The following USH2A variants were observed in gnomAD, a reference collection of about 807,000 sequenced individuals.
The protein encoded by USH2A is Usher syndrome 2A (autosomal recessive, mild).
USH2A carries 443 observed loss-of-function variants against 538.9 expected under a neutral mutation model. The observed-to-expected ratio is 0.82, with a 90% CI of 0.76 to 0.89. The LOEUF (loss-of-function observed/expected upper bound fraction) is 0.89, where lower values mean the gene tolerates loss of function less well. USH2A is among the 40% of genes least tolerant of loss of function. The pLI, the probability that USH2A is intolerant of heterozygous loss-of-function variation, is 0.00. For synonymous variants in USH2A, 2,413 were observed against 2,273.5 expected, an observed-to-expected ratio of 1.06 and a Z score of -1.75; for missense variants, 6,633 against 6,324.8, an observed-to-expected ratio of 1.05 and a Z score of -1.65.
intron 37 of USH2A, among the ~76,000 whole-genome samples, chr1:215,947,780 T>C (rs1666794098): frequency 6.6e-6 from 1 of 152,216 alleles, no homozygotes; most frequent in Non-Finnish European, 1.5e-5. Context: ...TAAAAAAGCT[T>C]TTAAAAAAAT....
intron 69 of USH2A, among the ~76,000 whole-genome samples, chr1:215,636,045 C>T (rs1656472023): frequency 6.6e-6 from 1 of 152,162 alleles, no homozygotes; most frequent in African/African-American, 2.4e-5. Context: ...ACCTGTGGAT[C>T]TGATGCAGCG....
intron 54 of USH2A, among the ~76,000 whole-genome samples, chr1:215,781,622 T>C (rs1661638167): frequency 6.6e-6 from 1 of 152,220 alleles, no homozygotes; most frequent in Admixed American, 6.5e-5. Flanking sequence ...AATTTTGTTT[T>C]CCGTGCCAGG....
intron 20 of USH2A, among the ~76,000 whole-genome samples, chr1:216,176,666 A>G (rs1323484252): frequency 6.6e-6 from 1 of 152,070 alleles, no homozygotes; most frequent in African/African-American, 2.4e-5. Flanking sequence ...ATGCTATTAC[A>G]CAGAAAATTT....
At chr1:215,735,749 C>T (rs1660137628) in intron 60 of USH2A, among the ~76,000 whole-genome samples, 3 of 151,976 alleles carry the variant, frequency 2.0e-5, no homozygotes, top group Non-Finnish European at 4.4e-5. Context: ...AAACAGAATC[C>T]TACCAGGCAT....
At chr1:215,790,037 C>A in intron 51 of USH2A, 22 bp downstream of exon 51, 1 of 1,608,552 alleles carries the variant, frequency 6.2e-7, no homozygotes, top group Non-Finnish European at 8.5e-7. Flanking sequence ...TCAGCGCCTC[C>A]GAGAGCTTTT....
chr1:215,759,673 C>T lies in USH2A; in HGVS notation c.11218G>A (p.Glu3740Lys). 1.2e-6 allele frequency: 2 copies of T among 1,613,874 alleles called. No individual in the cohort carries two copies. The highest frequency in any genetic ancestry group is 1.7e-6 in the Non-Finnish European group (2 of 1,179,878). The change falls in exon 57 of 72, where the codon GAG becomes AAG. Residue 3740 changes from glutamate (E) to lysine (K), a missense_variant. Transcript: ENST00000307340. ...EEQNFTDKNL[E>K]PNSRYTYKLE... The stretch of plus-strand genomic sequence containing the variant: ...CTTTTAGTTTACCTGCTATTGGGCT[C>T]CAGGTTTTTATCAGTGAAATTCTGC...
At chr1:216,210,820 A>G (rs986644199) in intron 15 of USH2A, among the ~76,000 whole-genome samples, 1 of 152,016 alleles carries the variant, frequency 6.6e-6, no homozygotes, top group African/African-American at 2.4e-5. Flanking sequence ...GTCTCTACTA[A>G]AAATACAAAA....
At chr1:215,889,952 T>C (rs957841273) in intron 40 of USH2A, among the ~76,000 whole-genome samples, 2 of 152,198 alleles carry the variant, frequency 1.3e-5, no homozygotes, top group Non-Finnish European at 2.9e-5. Context: ...ATTCTGCAAT[T>C]TGAAGGGCTG....
intron 36 of USH2A, among the ~76,000 whole-genome samples, chr1:215,967,072 A>G (rs1273843654): frequency 6.6e-6 from 1 of 152,188 alleles, no homozygotes; most frequent in Admixed American, 6.5e-5. Flanking sequence ...GGAAAGGTAA[A>G]AGTTGGCTTG....
rs151057466 is a variant in USH2A at position 215,970,653 on chromosome 1, G to A, written c.6929C>T (p.Thr2310Met). The A allele has an allele frequency of 3.6e-5, 58 of 1,613,624 alleles. No individual in the cohort carries two copies. Among genetic ancestry groups the A allele is most frequent in the East Asian group, 2.9e-4 (13 of 44,848 alleles). Residue 2310 changes from threonine to methionine, a missense_variant, in exon 36 of 72, where the codon ACG becomes ATG. Transcript: ENST00000307340. ...SLHSFRVQAC[T>M]AKGCALGPLV... The stretch of plus-strand genomic sequence containing the variant: ...TGGGCCCAGAGCACAACCTTTGGCC[G>A]TGCATGCTTGGACTCTGAAGGAATG...
At chr1:216,250,712 A>C (rs1195243242) in intron 12 of USH2A, among the ~76,000 whole-genome samples, 191 bp downstream of exon 12, 1 of 152,210 alleles carries the variant, frequency 6.6e-6, no homozygotes, top group Non-Finnish European at 1.5e-5. Context: ...GATTAAACTA[A>C]GCTTCAAGCT....
At chr1:215,989,319 C>A (rs1023471536) in intron 35 of USH2A, among the ~76,000 whole-genome samples, 1 of 152,104 alleles carries the variant, frequency 6.6e-6, no homozygotes, top group African/African-American at 2.4e-5. Flanking sequence ...TCTGGTCCTG[C>A]AACATCTTCG....
intron 50 of USH2A, among the ~76,000 whole-genome samples, chr1:215,796,649 C>T (rs1662145664): frequency 6.6e-6 from 1 of 152,000 alleles, no homozygotes; most frequent in Non-Finnish European, 1.5e-5. Context: ...AAAATTAGGC[C>T]AATTAATTAC....
At chr1:215,688,802 AATACAGTC>A (rs1156410699) in intron 61 of USH2A, among the ~76,000 whole-genome samples, 4 of 151,994 alleles carry the variant, frequency 2.6e-5, no homozygotes, top group African/African-American at 9.7e-5. Flanking sequence ...CCTATCTCCA[AATACAGTC>A]ACCTTGGGGG....
chr1:215,804,469 T>A (rs531672852), intron 49 of USH2A, among the ~76,000 whole-genome samples: 6 of 151,464 alleles, frequency 4.0e-5, no homozygotes, highest in African/African-American at 9.7e-5. Context: ...AAAAAGTGGG[T>A]GAAGGATATG....
intron 32 of USH2A, among the ~76,000 whole-genome samples, chr1:216,037,085 C>CT (rs1558224527): frequency 6.6e-6 from 1 of 152,056 alleles, no homozygotes; most frequent in African/African-American, 2.4e-5. Context: ...TCAATGCAGT[C>CT]TTTTTTACAT....
At chr1:215,870,408 C>A (rs547591288) in intron 43 of USH2A, among the ~76,000 whole-genome samples, 221 of 151,548 alleles carry the variant, frequency 1.5e-3, no homozygotes, top group African/African-American at 5.1e-3. Context: ...CATTCTCCTG[C>A]CTCAGCCTTG....
intron 11 of USH2A, among the ~76,000 whole-genome samples, chr1:216,260,326 G>C (rs959282392): frequency 1.3e-5 from 2 of 152,126 alleles, no homozygotes; most frequent in African/African-American, 4.8e-5. Flanking sequence ...CATGAAAACT[G>C]ATTTTTCCTA....
chr1:216,277,584 T>A (rs147141783), intron 11 of USH2A, among the ~76,000 whole-genome samples: 1 of 152,254 alleles, frequency 6.6e-6, no homozygotes, highest in East Asian at 1.9e-4. Context: ...TGGGCTACCT[T>A]CTGTTGCATG....
Sources: allele counts gnomAD v4.1 joint callset (sites outside exome capture counted in the v4.1 genomes callset), GRCh38; gene constraint gnomAD v4.1.1; transcripts MANE v1.5; gene names NCBI Gene and HGNC (gene_info 2026-07-23, HGNC 2026-07-21).